Variants in CSMD3 observed in about 807,000 individuals in gnomAD.
CSMD3 encodes the protein CUB and Sushi multiple domains 3, also known as CUB and sushi domain-containing protein 3.
Under a neutral mutation model 435.2 loss-of-function variants are expected in CSMD3, and 177 were observed. The ratio of observed to expected loss-of-function variants is 0.41; its 90% CI spans 0.36 to 0.46. The LOEUF is 0.46. Ranked by LOEUF, CSMD3 falls within the 20% of genes least tolerant of loss-of-function variation. CSMD3 has a pLI of 0.34. For synonymous variants in CSMD3, 1,656 were observed against 1,520.5 expected, an observed-to-expected ratio of 1.09 and a Z score of -2.07; for missense variants, 4,265 against 4,504.6, an observed-to-expected ratio of 0.95 and a Z score of 1.52.
intron 13 of CSMD3, among the ~76,000 whole-genome samples, chr8:112,784,930 G>T (rs2078498476): frequency 6.6e-6 from 1 of 151,942 alleles, no homozygotes. Context: ...ATAGTATCCT[G>T]ATATCAAAAC....
intron 32 of CSMD3, among the ~76,000 whole-genome samples, chr8:112,423,743 A>T (rs1451306380): frequency 6.6e-6 from 1 of 152,116 alleles, no homozygotes; most frequent in Non-Finnish European, 1.5e-5. Context: ...GAAAGTTGAG[A>T]CTTTTTTCTT....
At chr8:113,141,177 T>C (rs894937168) in intron 4 of CSMD3, among the ~76,000 whole-genome samples, 1 of 150,730 alleles carries the variant, frequency 6.6e-6, no homozygotes, top group African/African-American at 2.4e-5. Flanking sequence ...AGTATAATTT[T>C]AAAAAAAGTC....
intron 31 of CSMD3, among the ~76,000 whole-genome samples, chr8:112,477,433 G>A (rs2130781174): frequency 6.6e-6 from 1 of 152,184 alleles, no homozygotes; most frequent in East Asian, 1.9e-4. Context: ...TTGAATGTTG[G>A]TGCCATGCCC....
chr8:112,718,740 C>T (rs145648618), intron 13 of CSMD3, among the ~76,000 whole-genome samples: 27 of 152,052 alleles, frequency 1.8e-4, no homozygotes, highest in African/African-American at 5.3e-4. Flanking sequence ...TTTCTGTTTG[C>T]TCTGAGCACG....
chr8:113,265,011 A>G (rs1007764636), intron 3 of CSMD3, among the ~76,000 whole-genome samples: 2 of 151,694 alleles, frequency 1.3e-5, no homozygotes, highest in African/African-American at 2.4e-5. Flanking sequence ...TGAGTAAAAC[A>G]TGTTCTATAC....
chr8:112,351,086 T>A (rs1826096498), intron 40 of CSMD3, 89 bp downstream of exon 40: 1 of 852,524 alleles, frequency 1.2e-6, no homozygotes, highest in Non-Finnish European at 1.9e-6. Flanking sequence ...AATGAAACTT[T>A]AAAATCTGAT....
chr8:113,015,871 G>A (rs960659082), intron 6 of CSMD3, among the ~76,000 whole-genome samples: 1 of 151,714 alleles, frequency 6.6e-6, no homozygotes, highest in African/African-American at 2.4e-5. Context: ...ATAATATAGA[G>A]TTTTCAAAAA....
chr8:112,526,039 A>G (rs911169785), intron 27 of CSMD3, among the ~76,000 whole-genome samples: 17 of 150,306 alleles, frequency 1.1e-4, no homozygotes, highest in Non-Finnish European at 2.1e-4. Flanking sequence ...ATCACACTTA[A>G]GTGTCTTCCT....
intron 5 of CSMD3, among the ~76,000 whole-genome samples, chr8:113,073,742 C>T (rs954736273): frequency 7.9e-5 from 12 of 151,290 alleles, no homozygotes; most frequent in African/African-American, 1.7e-4. Context: ...ATTTTAATGA[C>T]AATAGTTTAA....
intron 27 of CSMD3, among the ~76,000 whole-genome samples, chr8:112,548,578 G>C (rs899140888): frequency 2.6e-5 from 4 of 151,946 alleles, no homozygotes; most frequent in African/African-American, 7.3e-5. Flanking sequence ...ATTTCTTTGG[G>C]CAATGAGAAT....
chr8:112,910,580 C>A (rs146858521), intron 10 of CSMD3, among the ~76,000 whole-genome samples: 4 of 151,896 alleles, frequency 2.6e-5, no homozygotes, highest in East Asian at 2.0e-4. Context: ...AGATTCTTAA[C>A]CTCCTAGGAC....
chr8:112,552,258 G>A (rs369885463), intron 26 of CSMD3, among the ~76,000 whole-genome samples: 27 of 140,626 alleles, frequency 1.9e-4, no homozygotes, highest in Admixed American at 1.7e-3. Context: ...ACTTTGGGAG[G>A]CAGAATTGCT....
At chr8:112,862,358 G>A (rs545927619) in intron 10 of CSMD3, among the ~76,000 whole-genome samples, 1 of 151,896 alleles carries the variant, frequency 6.6e-6, no homozygotes. Context: ...ATATCATGAC[G>A]ACTGTTCTAG....
intron 2 of CSMD3, among the ~76,000 whole-genome samples, chr8:113,300,471 T>C (rs771763438): frequency 2.6e-5 from 4 of 152,174 alleles, no homozygotes; most frequent in Admixed American, 6.6e-5. Flanking sequence ...GTTAAAGGAA[T>C]TGTGATACAT....
chr8:112,718,286 G>A (rs1156554287), intron 13 of CSMD3, among the ~76,000 whole-genome samples: 1 of 151,816 alleles, frequency 6.6e-6, no homozygotes, highest in African/African-American at 2.4e-5. Context: ...TACTATGAAG[G>A]ATACTCTATA....
At chr8:112,342,971 T>TTTTATATATATATATTTATATATATTTA (rs1554647494) in intron 41 of CSMD3, among the ~76,000 whole-genome samples, 1 of 92,408 alleles carries the variant, frequency 1.1e-5, no homozygotes, top group Admixed American at 1.5e-4. Flanking sequence ...TTGAAATGTA[T>TTTTATATATATATATTTATATATATTTA]TATATATATA....
intron 4 of CSMD3, among the ~76,000 whole-genome samples, chr8:113,169,626 C>G (rs1426412866): frequency 6.6e-6 from 1 of 152,154 alleles, no homozygotes; most frequent in Non-Finnish European, 1.5e-5. Context: ...AATATGTTAA[C>G]TCTTCCATCA....
At chr8:112,785,749 T>C (rs1160696076) in intron 13 of CSMD3, among the ~76,000 whole-genome samples, 1 of 151,554 alleles carries the variant, frequency 6.6e-6, no homozygotes, top group Non-Finnish European at 1.5e-5. Context: ...ATCTCTACAA[T>C]GAAAATTATA....
At chr8:112,824,083 C>A (rs1032447197) in intron 12 of CSMD3, among the ~76,000 whole-genome samples, 5 of 152,036 alleles carry the variant, frequency 3.3e-5, no homozygotes, top group Non-Finnish European at 4.4e-5. Flanking sequence ...TAATACCCTT[C>A]TTTGTCTTTT....
Sources: gnomAD v4.1 joint callset for allele counts (sites outside exome capture counted in the v4.1 genomes callset) on GRCh38, gnomAD v4.1.1 for gene constraint, MANE v1.5 for transcripts, NCBI Gene and HGNC (gene_info 2026-07-23, HGNC 2026-07-21) for gene names.